The following NRXN1 variants were observed in gnomAD, a reference collection of about 807,000 sequenced individuals.
NRXN1 encodes neurexin 1, also known as neurexin-1.
NRXN1 carries 39 observed loss-of-function variants against 150.9 expected under a neutral mutation model. The observed-to-expected ratio is 0.26, with a 90% CI of 0.20 to 0.34. The LOEUF (loss-of-function observed/expected upper bound fraction) is 0.34, where lower values mean the gene tolerates loss of function less well. Among genes scored for constraint, NRXN1 ranks in the 10% least tolerant of loss-of-function variants. The probability of loss-of-function intolerance (pLI) is 1.00; values close to 1 mark genes in which losing one functional copy is unlikely to be tolerated. For missense variants in NRXN1, 1,815 were observed against 1,949.9 expected (o/e 0.93, Z 1.30); for synonymous variants, 924 against 757.0 (o/e 1.22, Z -3.62).
intron 19 of NRXN1, among the ~76,000 whole-genome samples, chr2:50,057,004 C>T (rs1261395034): frequency 1.3e-5 from 2 of 152,126 alleles, no homozygotes; most frequent in Non-Finnish European, 2.9e-5. Context: ...TCGCAAATCC[C>T]TCTTGCCCAA....
intron 21 of NRXN1, among the ~76,000 whole-genome samples, chr2:50,047,765 T>C (rs892145173): frequency 2.6e-5 from 4 of 152,054 alleles, no homozygotes; most frequent in Non-Finnish European, 4.4e-5. Flanking sequence ...CGTTTTCTTG[T>C]CTATTGCCCA....
In NRXN1 at chr2:51,027,692, G is replaced by C. The variant is rs1245506897; in HGVS notation, c.582C>G (p.Val194=). ...TCACCTCGCCGCTGTCCACGGGCAG[G>C]ACCTGCGAGGAGTTGACCCTCACGT... ...IRDVRVNSSQ[V]LPVDSGEVKL... is the part of the protein sequence containing the mutation. The change falls in exon 2 of 23, where the codon GTC becomes GTG. Residue 194 remains valine (V), a synonymous_variant. Coordinates refer to ENST00000401669, the MANE Select transcript of NRXN1 (RefSeq NM_001330078.2). The C allele has an allele frequency of 1.2e-6, 2 of 1,605,192 alleles. No homozygotes were observed. The highest frequency in any genetic ancestry group is 1.7e-6 in the Non-Finnish European group (2 of 1,175,706).
At chr2:50,115,686 A>G (rs1036931356) in intron 18 of NRXN1, among the ~76,000 whole-genome samples, 2 of 152,022 alleles carry the variant, frequency 1.3e-5, no homozygotes, top group East Asian at 3.9e-4. Context: ...AAAGCAACAG[A>G]AAGAGAAGTC....
chr2:50,414,450 T>C (rs746430222), intron 17 of NRXN1, among the ~76,000 whole-genome samples: 1 of 152,126 alleles, frequency 6.6e-6, no homozygotes, highest in African/African-American at 2.4e-5. Context: ...ATACCTACTA[T>C]ATACACACAA....
intron 5 of NRXN1, among the ~76,000 whole-genome samples, chr2:50,690,654 T>C (rs1047421156): frequency 2.0e-5 from 3 of 152,228 alleles, no homozygotes; most frequent in African/African-American, 7.2e-5. Flanking sequence ...TATATTTGTG[T>C]AGGCATATAG....
intron 15 of NRXN1, among the ~76,000 whole-genome samples, chr2:50,488,043 G>T (rs13398501): frequency 0.055 from 8,406 of 152,156 alleles, 809 homozygotes; most frequent in African/African-American, 0.19. Context: ...AAACATTTGG[G>T]TATCACCTAG....
At chr2:50,533,098 T>G (rs1267099067) in intron 10 of NRXN1, among the ~76,000 whole-genome samples, 2 of 152,184 alleles carry the variant, frequency 1.3e-5, no homozygotes, top group African/African-American at 4.8e-5. Flanking sequence ...TTAATCACTA[T>G]TTGTTGTCAT....
chr2:51,003,555 G>C (rs1700329792), intron 2 of NRXN1, among the ~76,000 whole-genome samples: 1 of 151,834 alleles, frequency 6.6e-6, no homozygotes, highest in Admixed American at 6.6e-5. Context: ...ATGGAATTTG[G>C]AGTAACTGTG....
At position 50,679,279 on chromosome 2, in the gene NRXN1, G is replaced by C. The variant is rs1275763195; in HGVS notation, c.833-55664C>G. 2.0e-5 allele frequency among the ~76,000 whole-genome samples: 3 copies of C among 152,118 alleles called. No homozygotes were observed. In the East Asian group the frequency reaches 5.8e-4, roughly 29 times the overall value. ...GAGACATCCCTCTGGAAGGATTCTT[G>C]GAGTATGGGACAAAGGCTGAGGTCC... On this transcript the variant is annotated intron_variant, in intron 5 of 22. Transcript: ENST00000401669.
rs867292211 is a variant in NRXN1, at chr2:50,507,154, G to A, written c.2375-537C>T. ...AGAAGGTACTATCTTGTGTGATGGC[G>A]GCTATTCCGCTCTTATACCTGGTAC... On this transcript the variant is annotated intron_variant, in intron 12 of 22. Coordinates refer to ENST00000401669, the MANE Select transcript of NRXN1 (RefSeq NM_001330078.2). Among the ~76,000 whole-genome samples the A allele has an allele frequency of 3.9e-4, 60 of 152,158 alleles. 1 individual carries two copies. The highest frequency in any genetic ancestry group is 3.2e-4 in the Non-Finnish European group (22 of 67,996).
chr2:50,141,769 C>T (rs1707306741), intron 18 of NRXN1, among the ~76,000 whole-genome samples: 1 of 151,976 alleles, frequency 6.6e-6, no homozygotes, highest in Non-Finnish European at 1.5e-5. Flanking sequence ...TATCCTTACC[C>T]CCGTTAGAAT....
intron 13 of NRXN1, among the ~76,000 whole-genome samples, chr2:50,503,315 CAA>C (rs796952572): frequency 4.7e-5 from 5 of 106,472 alleles, no homozygotes; most frequent in Admixed American, 1.9e-4. Context: ...CTCAAAAAAA[CAA>C]AAAAAAAAAG....
intron 18 of NRXN1, among the ~76,000 whole-genome samples, chr2:50,170,141 T>TCACACA (rs71404935): frequency 0.014 from 2,133 of 148,442 alleles, 47 homozygotes; most frequent in African/African-American, 0.05. Context: ...ATAGATAATA[T>TCACACA]CACACACACA....
intron 17 of NRXN1, among the ~76,000 whole-genome samples, chr2:50,255,364 G>C (rs2067595800): frequency 6.6e-6 from 1 of 152,190 alleles, no homozygotes; most frequent in Non-Finnish European, 1.5e-5. Flanking sequence ...TTATAACTAT[G>C]TATGAGAGTC....
At chr2:50,812,562 CAT>C (rs766608407) in intron 5 of NRXN1, among the ~76,000 whole-genome samples, 1 of 151,988 alleles carries the variant, frequency 6.6e-6, no homozygotes, top group African/African-American at 2.4e-5. Flanking sequence ...TGTGGGCATT[CAT>C]GTGTGTGTAT....
chr2:50,616,603 T>G (rs1176835042), intron 8 of NRXN1: 4 of 152,160 alleles, frequency 2.6e-5, no homozygotes, highest in African/African-American at 9.7e-5. Flanking sequence ...ATATTTTCCT[T>G]GATAGGGTTC....
At chr2:50,934,269 A>G (rs1688196989) in intron 2 of NRXN1, among the ~76,000 whole-genome samples, 1 of 152,292 alleles carries the variant, frequency 6.6e-6, no homozygotes, top group African/African-American at 2.4e-5. Context: ...AAAAACATTT[A>G]TAATAAATAA....
chr2:50,450,166 G>T (rs1001471424), intron 17 of NRXN1, among the ~76,000 whole-genome samples: 3 of 152,256 alleles, frequency 2.0e-5, no homozygotes, highest in Admixed American at 6.5e-5. Context: ...TTTGCTCACA[G>T]TATCTCCCTT....
chr2:50,342,944 T>G (rs543217233), intron 17 of NRXN1, among the ~76,000 whole-genome samples: 12 of 152,330 alleles, frequency 7.9e-5, no homozygotes, highest in South Asian at 4.1e-4. Flanking sequence ...GAAACCTACC[T>G]ATCCTCTTAG....
Sources: gnomAD v4.1 joint callset for allele counts (sites outside exome capture counted in the v4.1 genomes callset) on GRCh38, gnomAD v4.1.1 for gene constraint, MANE v1.5 for transcripts, NCBI Gene and HGNC (gene_info 2026-07-23, HGNC 2026-07-21) for gene names.